Variants in IGF2BP2 observed in about 807,000 individuals in gnomAD.
IGF2BP2 encodes the protein insulin-like growth factor 2 mRNA-binding protein 2.
In IGF2BP2, 17 loss-of-function variants were observed where a neutral mutation model predicts 75.8. The ratio of observed to expected loss-of-function variants is 0.22; its 90% confidence interval spans 0.15 to 0.34. IGF2BP2 has a LOEUF of 0.34. Ranked by LOEUF, IGF2BP2 falls within the 10% of genes least tolerant of loss-of-function variation. The pLI is 1.00. For synonymous variants in IGF2BP2, 288 were observed against 295.6 expected (o/e 0.97, Z 0.26); for missense variants, 516 against 772.4 (o/e 0.67, Z 3.93).
Position 185,643,468 on chromosome 3 carries a change from G to A in IGF2BP2, c.*2063C>T, listed in dbSNP as rs1000440042. Among the ~76,000 whole-genome samples the A allele has an allele frequency of 5.3e-5, 8 of 152,318 alleles. No individual in the cohort carries two copies. The highest frequency in any genetic ancestry group is 1.3e-4 in the Admixed American group (2 of 15,300). On this transcript the variant is annotated 3_prime_UTR_variant, in exon 16 of 16. Coordinates refer to ENST00000382199, the MANE Select transcript of IGF2BP2 (RefSeq NM_006548.6). ...AAAGGTTGCTGGGCCTCACCCCCAGGATTTCTGATTCAAGGTGGACCCCAA... is the reference window on the plus strand; with the variant it reads ...AAAGGTTGCTGGGCCTCACCCCCAGAATTTCTGATTCAAGGTGGACCCCAA...
intron 2 of IGF2BP2, among the ~76,000 whole-genome samples, chr3:185,744,011 T>C (rs539230200): frequency 7.9e-5 from 12 of 152,336 alleles, no homozygotes; most frequent in Admixed American, 2.6e-4. Flanking sequence ...AGTGGCACAA[T>C]TGATACATTT....
At chr3:185,807,610 C>A (rs1364974893) in intron 2 of IGF2BP2, among the ~76,000 whole-genome samples, 1 of 152,236 alleles carries the variant, frequency 6.6e-6, no homozygotes, top group Non-Finnish European at 1.5e-5. Flanking sequence ...ATTCTCATCT[C>A]CTGGTATTCA....
chr3:185,739,859 CT>C lies in IGF2BP2; in HGVS notation c.240-41513del, dbSNP rs1320519790. Reference sequence around the variant, plus strand: ...TTTTTTTCCCTCCCCCCCACCCCCCCTACCCCCCACCCCGAGACAAGGTCTC... The same window carrying C: ...TTTTTTTCCCTCCCCCCCACCCCCCCACCCCCCACCCCGAGACAAGGTCTC... On this transcript the variant is annotated intron_variant, in intron 2 of 15. Transcript: ENST00000382199. Among the ~76,000 whole-genome samples the C allele has an allele frequency of 8.3e-3, 769 of 92,262 alleles. 7 individuals carry two copies. Among genetic ancestry groups the C allele is most frequent in the African/African-American group, 0.03 (737 of 24,564 alleles). 60.5% of individuals were successfully genotyped at this position (92,262 alleles called of 152,430 possible). A position where few individuals can be genotyped will look rare whatever the true frequency, so the allele number is the denominator to read the frequency against.
chr3:185,649,822 G>A (rs1319375222), intron 13 of IGF2BP2, among the ~76,000 whole-genome samples: 1 of 152,208 alleles, frequency 6.6e-6, no homozygotes, highest in Non-Finnish European at 1.5e-5. Context: ...GGGCTAAGGG[G>A]ATGGGTGAGG....
At chr3:185,756,522 C>T (rs75257480) in intron 2 of IGF2BP2, among the ~76,000 whole-genome samples, 442 of 151,910 alleles carry the variant, frequency 2.9e-3, no homozygotes, top group South Asian at 7.3e-3. Flanking sequence ...TTTCTCCCAT[C>T]TGCCTCTTTT....
At chr3:185,811,878 C>CTCTCT (rs59643123) in intron 2 of IGF2BP2, among the ~76,000 whole-genome samples, 1 of 52,576 alleles carries the variant, frequency 1.9e-5, no homozygotes, top group Non-Finnish European at 3.2e-5. Context: ...CTCTCTCTCT[C>CTCTCT]CCCCTCTCCC....
chr3:185,791,056 G>A (rs1047705739), intron 2 of IGF2BP2, among the ~76,000 whole-genome samples: 1 of 152,192 alleles, frequency 6.6e-6, no homozygotes, highest in Non-Finnish European at 1.5e-5. Flanking sequence ...AAAATAGCAG[G>A]AGTTTCTAGA....
intron 10 of IGF2BP2, among the ~76,000 whole-genome samples, chr3:185,668,413 G>A (rs542927983): frequency 2.0e-5 from 3 of 149,706 alleles, no homozygotes; most frequent in East Asian, 2.0e-4. Context: ...GGGGGTATTG[G>A]GTGAAATTTG....
chr3:185,703,427 G>T (rs767675517), intron 2 of IGF2BP2, among the ~76,000 whole-genome samples: 8 of 152,140 alleles, frequency 5.3e-5, no homozygotes, highest in African/African-American at 7.2e-5. Context: ...GTTGCTTAAA[G>T]TAAGGAGGCA....
At chr3:185,676,977 CATATATATGGAGATAT>C (rs1391470347) in intron 7 of IGF2BP2, among the ~76,000 whole-genome samples, 6 of 119,834 alleles carry the variant, frequency 5.0e-5, no homozygotes, top group Admixed American at 9.0e-5. Flanking sequence ...TATGGAGATA[CATATATATGGAGATAT>C]ATATATATGG....
intron 2 of IGF2BP2, among the ~76,000 whole-genome samples, chr3:185,802,943 T>C (rs1738480888): frequency 6.6e-6 from 1 of 152,242 alleles, no homozygotes; most frequent in African/African-American, 2.4e-5. Flanking sequence ...CTGACAAATG[T>C]AGTTTGCTAG....
chr3:185,801,023 A>AG (rs1170632132), intron 2 of IGF2BP2, among the ~76,000 whole-genome samples: 1 of 152,200 alleles, frequency 6.6e-6, no homozygotes, highest in Admixed American at 6.5e-5. Context: ...AGAAAAAAAA[A>AG]CAACTCCATA....
intron 2 of IGF2BP2, chr3:185,722,437 T>C (rs1164823552): frequency 3.0e-6 from 1 of 336,078 alleles, no homozygotes; most frequent in East Asian, 1.0e-4. Context: ...ACCAGCCAAC[T>C]GGGAGATGAA....
At chr3:185,675,942 TTCA>T in intron 7 of IGF2BP2, 29 bp from the exon 8 acceptor site, 1 of 1,610,780 alleles carries the variant, frequency 6.2e-7, no homozygotes, top group South Asian at 1.1e-5. Flanking sequence ...AAGTTAACAC[TTCA>T]GATACGTATA....
In IGF2BP2 at chr3:185,647,442, C is replaced by T. The variant is rs2149031981; in HGVS notation, c.1594-304G>A. Among the ~76,000 whole-genome samples the T allele has an allele frequency of 6.6e-6, 1 of 152,132 alleles. No homozygotes were observed. Among genetic ancestry groups the T allele is most frequent in the East Asian group, 1.9e-4 (1 of 5,166 alleles). On this transcript the variant is annotated intron_variant, in intron 14 of 15. Transcript: ENST00000382199. The surrounding 1 kb of genome is among the most constrained non-coding windows in gnomAD (Gnocchi z 4.9). ...CCATCAACGCAGGCCTGCACATGCT[C>T]ACAGAGACCCCAGGCTTTCCCATAC...
intron 10 of IGF2BP2, among the ~76,000 whole-genome samples, chr3:185,667,616 A>T (rs1209130258): frequency 6.6e-6 from 1 of 152,204 alleles, no homozygotes; most frequent in East Asian, 1.9e-4. Context: ...TTAATTTTTA[A>T]GTTTTCTGCA....
Position 185,643,136 on chromosome 3 carries a change from G to T in IGF2BP2, c.*2395C>A, listed in dbSNP as rs148304358. On this transcript the variant is annotated 3_prime_UTR_variant, in exon 16 of 16. Transcript: ENST00000382199. The stretch of plus-strand genomic sequence containing the variant: ...CACATGCAGTGAGACACTAAAACGT[G>T]TATGACTCATTTTATTGCAAAGTTC... Among the ~76,000 whole-genome samples the T allele has an allele frequency of 1.3e-5, 2 of 152,150 alleles. No individual in the cohort carries two copies. Among genetic ancestry groups the T allele is most frequent in the African/African-American group, 4.8e-5 (2 of 41,432 alleles).
chr3:185,644,597 G>C lies in IGF2BP2; in HGVS notation c.*934C>G, dbSNP rs142196436. 3.4e-5 allele frequency: 5 copies of C among 145,560 alleles called. 1 individual carries two copies. Among genetic ancestry groups the C allele is most frequent in the East Asian group, 4.0e-4 (2 of 4,988 alleles). 9.0% of individuals were successfully genotyped at this position (145,560 alleles called of 1,614,324 possible). On this transcript the variant is annotated 3_prime_UTR_variant, in exon 16 of 16. Transcript: ENST00000382199. ...CAGAGCACTGCTTTGCCTGGGGGGG[G>C]GGGGGTGCGTAGATACGGGATTGAG...
chr3:185,663,884 G>C (rs947149618), intron 10 of IGF2BP2, among the ~76,000 whole-genome samples: 1 of 152,112 alleles, frequency 6.6e-6, no homozygotes, highest in Non-Finnish European at 1.5e-5. Flanking sequence ...CTAATGTACT[G>C]CTGAATTTGG....
Sources: allele counts gnomAD v4.1 joint callset (sites outside exome capture counted in the v4.1 genomes callset), GRCh38; gene constraint gnomAD v4.1.1; non-coding constraint Gnocchi (gnomAD v3.1); transcripts MANE v1.5; gene names NCBI Gene and HGNC (gene_info 2026-07-23, HGNC 2026-07-21).